EFCC1: variants seen among roughly 807,000 people sequenced by gnomAD.
The protein encoded by EFCC1 is EF-hand and coiled-coil domain containing 1, also known as EF-hand and coiled-coil domain-containing protein 1.
EFCC1 carries 50 observed loss-of-function variants against 52.1 expected under a neutral mutation model. The ratio of observed to expected loss-of-function variants is 0.96; its 90% CI spans 0.76 to 1.21. The LOEUF (loss-of-function observed/expected upper bound fraction) is 1.21, where lower values mean the gene tolerates loss of function less well. Ranked by LOEUF, EFCC1 falls within the 50% of genes most tolerant of loss-of-function variation. The probability of loss-of-function intolerance (pLI) is 0.00; values close to 1 mark genes in which losing one functional copy is unlikely to be tolerated. For missense variants in EFCC1, 837 were observed against 867.3 expected (o/e 0.97, Z 0.44); for synonymous variants, 399 against 396.5 (o/e 1.01, Z -0.08).
intron 5 of EFCC1, among the ~76,000 whole-genome samples, chr3:129,036,521 C>G (rs944994492): frequency 1.2e-4 from 18 of 152,270 alleles, no homozygotes; most frequent in African/African-American, 4.3e-4. Context: ...AACCACGCCC[C>G]TCTCCTGGGG....
chr3:129,016,891 C>T (rs1945610011), intron 2 of EFCC1, among the ~76,000 whole-genome samples: 1 of 152,204 alleles, frequency 6.6e-6, no homozygotes, highest in South Asian at 2.1e-4. Flanking sequence ...GCTGCAAGAA[C>T]ATAAAACCCA....
intron 2 of EFCC1, among the ~76,000 whole-genome samples, chr3:129,009,132 C>T (rs1032862670): frequency 2.0e-5 from 3 of 152,218 alleles, no homozygotes; most frequent in Non-Finnish European, 4.4e-5. Context: ...TGGCACTTCT[C>T]CCAACTTAGT....
chr3:129,010,160 G>A lies in EFCC1; in HGVS notation c.980+6083G>A, dbSNP rs552515467. 7.2e-5 allele frequency among the ~76,000 whole-genome samples: 11 copies of A among 152,388 alleles called. No individual in the cohort carries two copies. The highest frequency in any genetic ancestry group is 7.2e-4 in the Admixed American group (11 of 15,312). ...CACAAGGAGACCCCTAAGTGGTCCAGTGGCCTTGTCCTGCCTTGAGGGGTC... is the reference window on the plus strand; with the variant it reads ...CACAAGGAGACCCCTAAGTGGTCCAATGGCCTTGTCCTGCCTTGAGGGGTC... On this transcript the variant is annotated intron_variant, in intron 2 of 7. Transcript: ENST00000683648. The surrounding 1 kb of genome is among the most constrained non-coding windows in gnomAD (Gnocchi z 4.3).
At chr3:129,018,735 A>G (rs959175029) in intron 2 of EFCC1, among the ~76,000 whole-genome samples, 1 of 152,194 alleles carries the variant, frequency 6.6e-6, no homozygotes, top group Non-Finnish European at 1.5e-5. Flanking sequence ...CCTGCCCTTC[A>G]GGCAGTCCCT....
intron 2 of EFCC1, among the ~76,000 whole-genome samples, chr3:129,026,972 G>A (rs1231194803): frequency 6.6e-6 from 1 of 152,210 alleles, no homozygotes; most frequent in East Asian, 1.9e-4. Flanking sequence ...GGCAAAGCCT[G>A]ATCCAGCAGC....
rs1459067629 is a variant in EFCC1, at chr3:129,002,283, G to C, written c.655G>C (p.Ala219Pro). Residue 219 changes from alanine to proline, a missense_variant, in exon 1 of 8, where the codon GCC becomes CCC. Ala to Pro is a conservative substitution (Grantham distance 27). Transcript: ENST00000683648. ...SLRELVEDLR[A>P]ALQSSDARCL... ...GCGCGAGTTGGTGGAGGACCTGCGC[G>C]CCGCGCTGCAGAGCAGTGATGCGCG... The C allele has an allele frequency of 4.6e-6, 7 of 1,528,940 alleles. No individual in the cohort carries two copies. Among genetic ancestry groups the C allele is most frequent in the Admixed American group, 2.0e-5 (1 of 50,566 alleles). The allele number at this position is 1,528,940 out of a possible 1,614,324, so 94.7% of individuals were successfully genotyped here.
intron 3 of EFCC1, 55 bp from the exon 4 acceptor site, chr3:129,032,764 G>A: frequency 6.5e-7 from 1 of 1,532,100 alleles, no homozygotes; most frequent in Non-Finnish European, 8.8e-7. Context: ...CCCTGGGGAG[G>A]GATGCCTGGT....
rs1163694566 is a variant in EFCC1, at chr3:129,032,861, C to T, written c.1181C>T (p.Ala394Val). The T allele has an allele frequency of 6.4e-7, 1 of 1,551,514 alleles. No homozygotes were observed. Residue 394 changes from alanine (A) to valine (V), a missense_variant, in exon 4 of 8, where the codon GCC (alanine) becomes GTC (valine). Coordinates refer to ENST00000683648, the MANE Select transcript of EFCC1 (RefSeq NM_001377500.1). ...QLFRSVEGQA[A>V]SDEEEVEEER... Reference sequence around the variant, plus strand: ...TTCCGCTCCGTGGAGGGCCAGGCCGCCTCTGACGAGGAGGAGGTGGAGGAG... The same window carrying T: ...TTCCGCTCCGTGGAGGGCCAGGCCGTCTCTGACGAGGAGGAGGTGGAGGAG...
intron 2 of EFCC1, among the ~76,000 whole-genome samples, chr3:129,022,068 G>C (rs1013880902): frequency 6.6e-6 from 1 of 152,208 alleles, no homozygotes; most frequent in Non-Finnish European, 1.5e-5. Flanking sequence ...CTCACCGTGT[G>C]CTGGTGTCTA....
At chr3:129,030,965 C>T in intron 3 of EFCC1, 105 bp downstream of exon 3, 1 of 1,372,538 alleles carries the variant, frequency 7.3e-7, no homozygotes, top group Non-Finnish European at 9.6e-7. Context: ...CCACCAGCCT[C>T]CAAACAGAGC....
chr3:129,037,034 G>A lies in EFCC1; in HGVS notation c.1510G>A (p.Val504Ile). Residue 504 changes from valine to isoleucine, a missense_variant, in exon 6 of 8, where the codon GTA becomes ATA. By Grantham distance (29) the Val-to-Ile change is conservative. Coordinates refer to ENST00000683648, the MANE Select transcript of EFCC1 (RefSeq NM_001377500.1). Reference protein sequence around the residue: ...NEHLRLELQMVETERVRLSLL... With the variant: ...NEHLRLELQMIETERVRLSLL... ...GCACCTGAGGCTGGAGCTGCAGATG[G>A]TAGAGACCGAGAGGGTGCGGCTGTC... 6.2e-7 allele frequency: 1 copy of A among 1,613,958 alleles called. No individual in the cohort carries two copies. Among genetic ancestry groups the A allele is most frequent in the Non-Finnish European group, 8.5e-7 (1 of 1,180,008 alleles).
In EFCC1 at chr3:129,007,533, T is replaced by G. The variant is rs531335353; in HGVS notation, c.980+3456T>G. Among the ~76,000 whole-genome samples the G allele has an allele frequency of 9.8e-5, 15 of 152,314 alleles. No individual in the cohort carries two copies. The South Asian group carries it at 3.1e-3, about 32-fold the overall frequency. On this transcript the variant is annotated intron_variant, in intron 2 of 7. Transcript: ENST00000683648. ...TAGAATAAATGACCCAACAAACACCTTTCCAGCATCTCCCAGTGTTCAAAG... is the reference window on the plus strand; with the variant it reads ...TAGAATAAATGACCCAACAAACACCGTTCCAGCATCTCCCAGTGTTCAAAG...
intron 2 of EFCC1, among the ~76,000 whole-genome samples, chr3:129,011,480 G>A (rs1490920066): frequency 6.6e-6 from 1 of 151,960 alleles, no homozygotes; most frequent in Non-Finnish European, 1.5e-5. Flanking sequence ...GAACCCAGAA[G>A]GTGGAGGTTG....
Position 129,001,796 on chromosome 3 carries a change from C to T in EFCC1, c.168C>T (p.Asp56=). The part of the protein sequence containing the change: ...NEIVVLATGL[D]QYLQEVFHHL... The stretch of plus-strand genomic sequence containing the variant: ...TCGTGGTGCTGGCCACCGGCCTGGA[C>T]CAGTACCTGCAGGAGGTCTTCCACC... The change falls in exon 1 of 8, where the codon GAC becomes GAT. Residue 56 remains aspartate (D), a synonymous_variant. Transcript: ENST00000683648. The T allele has an allele frequency of 6.5e-7, 1 of 1,544,992 alleles. No individual in the cohort carries two copies. The highest frequency in any genetic ancestry group is 8.7e-7 in the Non-Finnish European group (1 of 1,145,790).
chr3:129,003,839 G>C lies in EFCC1; in HGVS notation c.742G>C (p.Gly248Arg), dbSNP rs886504191. 1 of 1,462,056 alleles carries C rather than the reference G, an allele frequency of 6.8e-7. No individual in the cohort carries two copies. The allele number at this position is 1,462,056 out of a possible 1,614,324, so 90.6% of individuals were successfully genotyped here. ...SQASTHEMGH[G>R]GPEAAVRELR... ...GGCGAGCACCCACGAGATGGGGCACGGCGGGCCGGAGGCTGCGGTGCGGGA... is the reference window on the plus strand; with the variant it reads ...GGCGAGCACCCACGAGATGGGGCACCGCGGGCCGGAGGCTGCGGTGCGGGA... The change falls in exon 2 of 8, where the codon GGC (glycine) becomes CGC (arginine). Residue 248 changes from glycine to arginine, a missense_variant. Gly to Arg is a moderately radical substitution (Grantham distance 125). Coordinates refer to ENST00000683648, the MANE Select transcript of EFCC1 (RefSeq NM_001377500.1).
In EFCC1 at chr3:129,003,820, C is replaced by A. The variant is rs183061517; in HGVS notation, c.723C>A (p.Ser241Arg). Residue 241 changes from serine to arginine, a missense_variant, in exon 2 of 8, where the codon AGC (serine) becomes AGA (arginine). By Grantham distance (110) the Ser-to-Arg change is moderately radical. Coordinates refer to ENST00000683648, the MANE Select transcript of EFCC1 (RefSeq NM_001377500.1). The stretch of plus-strand genomic sequence containing the variant: ...TCGGACTCTGGAAGAGCCAGGCGAG[C>A]ACCCACGAGATGGGGCACGGCGGGC... ...LQVGLWKSQA[S>R]THEMGHGGPE... 4.8e-6 allele frequency: 7 copies of A among 1,465,284 alleles called. No individual in the cohort carries two copies. The highest frequency in any genetic ancestry group is 6.3e-6 in the Non-Finnish European group (7 of 1,113,370). The allele number at this position is 1,465,284 out of a possible 1,614,324, so 90.8% of individuals were successfully genotyped here. A position where few individuals can be genotyped will look rare whatever the true frequency, so the allele number is the denominator to read the frequency against.
chr3:129,016,498 G>A (rs1474076814), intron 2 of EFCC1, among the ~76,000 whole-genome samples: 2 of 149,358 alleles, frequency 1.3e-5, no homozygotes, highest in African/African-American at 2.5e-5. Flanking sequence ...TCATGGGCAC[G>A]CCCGTGTCTA....
At chr3:129,002,904 G>C (rs1321253032) in intron 1 of EFCC1, among the ~76,000 whole-genome samples, 3 of 152,180 alleles carry the variant, frequency 2.0e-5, no homozygotes, top group Non-Finnish European at 4.4e-5. Context: ...AAGTGCCTGC[G>C]GGAACCAGAC....
At chr3:129,002,423 G>T in intron 1 of EFCC1, 99 bp downstream of exon 1, 1 of 1,421,102 alleles carries the variant, frequency 7.0e-7, no homozygotes, top group Non-Finnish European at 9.1e-7. Context: ...GTCAGAGGAA[G>T]GGGAGACAGA....
Sources: gnomAD v4.1 joint callset for allele counts (sites outside exome capture counted in the v4.1 genomes callset) on GRCh38, gnomAD v4.1.1 for gene constraint, Gnocchi (gnomAD v3.1) non-coding constraint, MANE v1.5 for transcripts, NCBI Gene and HGNC (gene_info 2026-07-23, HGNC 2026-07-21) for gene names.